Variants in BRSK2 observed in about 807,000 individuals in gnomAD.
The protein encoded by BRSK2 is serine/threonine-protein kinase BRSK2.
BRSK2 carries 19 observed loss-of-function variants against 83.3 expected under a neutral mutation model. That is an observed-to-expected ratio of 0.23 (90% CI 0.16 to 0.33). The LOEUF (loss-of-function observed/expected upper bound fraction) is 0.33. BRSK2 is among the 10% of genes least tolerant of loss of function. BRSK2 has a pLI of 1.00. For synonymous variants in BRSK2, 519 were observed against 435.4 expected (o/e 1.19, Z -2.39); for missense variants, 798 against 1,042.3 (o/e 0.77, Z 3.23).
intron 12 of BRSK2, 78 bp downstream of exon 12, chr11:1,445,985 C>T (rs997874362): frequency 7.7e-5 from 116 of 1,504,192 alleles, no homozygotes; most frequent in Non-Finnish European, 9.7e-5. Flanking sequence ...TCATCGCTAC[C>T]CATTGGCCTG....
chr11:1,460,740 C>CCT lies in BRSK2; in HGVS notation c.*18_*19insTC. The CCT allele has an allele frequency of 1.4e-6, 2 of 1,415,818 alleles. No homozygotes were observed. Among genetic ancestry groups the CCT allele is most frequent in the Non-Finnish European group, 1.9e-6 (2 of 1,079,762 alleles). The allele number at this position is 1,415,818 out of a possible 1,614,324, so 87.7% of individuals were successfully genotyped here. The stretch of plus-strand genomic sequence containing the variant: ...CAGCCTTAGACACACTAGCCCCCCC[C>CCT]CCCAGCACAGCACTGACAGCGGCTG... On this transcript the variant is annotated 3_prime_UTR_variant, in exon 20 of 20. Transcript: ENST00000528841.
chr11:1,420,397 G>T (rs562603254), intron 1 of BRSK2, among the ~76,000 whole-genome samples: 4 of 152,332 alleles, frequency 2.6e-5, no homozygotes, highest in Admixed American at 2.0e-4. Context: ...CTGCACTCTG[G>T]CTAACAGACA....
rs1338733070 is a variant in BRSK2 at position 1,411,160 on chromosome 11, G to T, written c.91+20785G>T. 4 of 1,225,806 alleles carry T rather than the reference G, an allele frequency of 3.3e-6. No homozygotes were observed. The East Asian group carries it at 1.3e-4, about 39-fold the overall frequency. The allele number at this position is 1,225,806 out of a possible 1,614,324, so 75.9% of individuals were successfully genotyped here. On this transcript the variant is annotated intron_variant, in intron 1 of 19. Coordinates refer to ENST00000528841, the MANE Select transcript of BRSK2 (RefSeq NM_001256627.2). ...CCTAGGGTGGGGGCTCCAGTCTCAG[G>T]CTGGCTAGTTCCTCCTTCCTGGTCA...
chr11:1,415,771 GTGGTCCCAGCAGAGGACT>G (rs142637324), intron 1 of BRSK2, among the ~76,000 whole-genome samples: 40,935 of 152,058 alleles, frequency 0.27, 5,668 homozygotes, highest in Middle Eastern at 0.44. Context: ...TGCCCACACG[GTGGTCCCAGCAGAGGACT>G]TGGTCCCAGC....
intron 1 of BRSK2, among the ~76,000 whole-genome samples, chr11:1,394,748 GTC>G (rs1311907856): frequency 3.7e-5 from 4 of 108,018 alleles, no homozygotes; most frequent in Non-Finnish European, 7.8e-5. Context: ...CTGGAGATGG[GTC>G]CTGGAGATGG....
At chr11:1,417,131 A>T (rs1185649939) in intron 1 of BRSK2, among the ~76,000 whole-genome samples, 1 of 152,120 alleles carries the variant, frequency 6.6e-6, no homozygotes, top group East Asian at 1.9e-4. Context: ...TGCACTCCAC[A>T]CTGGGGGATA....
intron 1 of BRSK2, among the ~76,000 whole-genome samples, chr11:1,429,289 ACTGGGCGTGTGTC>A (rs1237307988): frequency 4.0e-5 from 4 of 100,066 alleles, no homozygotes; most frequent in Admixed American, 3.0e-4. Flanking sequence ...GGGTGTGTGC[ACTGGGCGTGTGTC>A]CTGGGTGTGT....
intron 3 of BRSK2, among the ~76,000 whole-genome samples, chr11:1,440,328 A>G (rs968324295): frequency 6.6e-6 from 1 of 152,052 alleles, no homozygotes; most frequent in Non-Finnish European, 1.5e-5. Context: ...AGAGGCCCAG[A>G]CAGTCCCTGG....
chr11:1,449,907 G>C (rs1845595333), intron 13 of BRSK2, 71 bp downstream of exon 13: 2 of 1,270,390 alleles, frequency 1.6e-6, no homozygotes, highest in Admixed American at 1.8e-5. Context: ...GCGTGTGCCA[G>C]GGTGGGGGCA....
chr11:1,419,587 C>T (rs550788192), intron 1 of BRSK2, among the ~76,000 whole-genome samples: 1 of 152,350 alleles, frequency 6.6e-6, no homozygotes, highest in Non-Finnish European at 1.5e-5. Flanking sequence ...TAAATCCTAG[C>T]ACACTGGTGC....
chr11:1,438,475 ACAGGGGCTGGAGGC>A lies in BRSK2; in HGVS notation c.272+92_272+105del. 7.5e-7 allele frequency: 1 copy of A among 1,330,792 alleles called. No individual in the cohort carries two copies. Among genetic ancestry groups the A allele is most frequent in the Non-Finnish European group, 1.1e-6 (1 of 934,406 alleles). 82.4% of individuals were successfully genotyped at this position (1,330,792 alleles called of 1,614,324 possible). On this transcript the variant is annotated intron_variant, in intron 3 of 19. Transcript: ENST00000528841. The surrounding 1 kb of genome is among the most constrained non-coding windows in gnomAD (Gnocchi z 6.4). ...GGTGGGTGTCTGGGGCTTGGGGAGC[ACAGGGGCTGGAGGC>A]CAGGGGCGCCTGCTGCATCCCAGCA...
intron 19 of BRSK2, among the ~76,000 whole-genome samples, chr11:1,460,206 C>T (rs528208664): frequency 3.3e-5 from 5 of 152,286 alleles, no homozygotes; most frequent in East Asian, 1.9e-4. Flanking sequence ...CGCAACAGCT[C>T]GGAGGCGCTG....
intron 16 of BRSK2, among the ~76,000 whole-genome samples, chr11:1,455,081 G>A (rs1414629021): frequency 6.6e-6 from 1 of 152,282 alleles, no homozygotes; most frequent in Non-Finnish European, 1.5e-5. Context: ...TGCCCTCGGA[G>A]GCCGGGTGGC....
chr11:1,448,181 G>A (rs1852431290), intron 12 of BRSK2, among the ~76,000 whole-genome samples: 1 of 152,186 alleles, frequency 6.6e-6, no homozygotes, highest in African/African-American at 2.4e-5. Flanking sequence ...GGTGGGCCTC[G>A]GTGGCCCTGC....
chr11:1,456,826 A>G, intron 18 of BRSK2, 139 bp downstream of exon 18: 2 of 1,328,650 alleles, frequency 1.5e-6, no homozygotes, highest in African/African-American at 1.5e-5. Context: ...CCCTGCCCCG[A>G]GCTGTGGCTG....
At chr11:1,456,986 G>C in intron 18 of BRSK2, 1 of 1,597,384 alleles carries the variant, frequency 6.3e-7, no homozygotes, top group Non-Finnish European at 8.5e-7. Flanking sequence ...GACTAAGCTG[G>C]GGTGCTGGGC....
In BRSK2 at chr11:1,454,274, T is replaced by TG. The variant is rs1446470841; in HGVS notation, c.1545-207dup. The TG allele has an allele frequency of 5.6e-6, 3 of 538,878 alleles. No homozygotes were observed. The African/African-American group carries it at 5.7e-5, about 10-fold the overall frequency. 33.4% of individuals were successfully genotyped at this position (538,878 alleles called of 1,614,324 possible). A position where few individuals can be genotyped will look rare whatever the true frequency, so the allele number is the denominator to read the frequency against. On this transcript the variant is annotated intron_variant, in intron 15 of 19. Coordinates refer to ENST00000528841, the MANE Select transcript of BRSK2 (RefSeq NM_001256627.2). This position sits in a 1 kb window ranked among gnomAD's most constrained non-coding sequence, Gnocchi z 5.2. ...CTTGGAGAAAGGTTAGGGTTGGGGT[T>TG]GGGGTTAGAGCCACGGTGATGGTCA...
At chr11:1,443,735 C>T in intron 8 of BRSK2, 100 bp downstream of exon 8, 2 of 1,383,100 alleles carry the variant, frequency 1.4e-6, no homozygotes, top group African/African-American at 1.5e-5. Context: ...GACGTGTGGG[C>T]ACCCAGGTGT....
chr11:1,415,303 C>T (rs1483032156), intron 1 of BRSK2, among the ~76,000 whole-genome samples: 1 of 152,112 alleles, frequency 6.6e-6, no homozygotes, highest in Non-Finnish European at 1.5e-5. Flanking sequence ...ACCATGTTAG[C>T]CAGGATGGTC....
Sources: gnomAD v4.1 joint callset for allele counts (sites outside exome capture counted in the v4.1 genomes callset) on GRCh38, gnomAD v4.1.1 for gene constraint, Gnocchi (gnomAD v3.1) non-coding constraint, MANE v1.5 for transcripts, NCBI Gene and HGNC (gene_info 2026-07-23, HGNC 2026-07-21) for gene names.